The following NUDT10 variants were observed in gnomAD, a reference collection of about 807,000 sequenced individuals.
NUDT10 encodes diphosphoinositol polyphosphate phosphohydrolase 3-alpha.
A neutral mutation model predicts 10.5 loss-of-function variants in NUDT10; 2 were observed. The observed-to-expected ratio is 0.19, with a 90% CI of 0.08 to 0.60. The LOEUF is 0.60. NUDT10 is among the 20% of genes least tolerant of loss of function. The pLI, the probability that NUDT10 is intolerant of heterozygous loss-of-function variation, is 0.89. For synonymous variants in NUDT10, 53 were observed against 71.8 expected (o/e 0.74, Z 1.32); for missense variants, 75 against 149.5 (o/e 0.50, Z 2.60).
chrX:51,333,230 C>G lies in NUDT10; in HGVS notation c.265C>G (p.Pro89Ala). The G allele has an allele frequency of 8.3e-7, 1 of 1,211,152 alleles. No homozygotes were observed. Among genetic ancestry groups the G allele is most frequent in the Non-Finnish European group, 1.1e-6 (1 of 895,305 alleles). Residue 89 changes from proline (P) to alanine (A), a missense_variant, in exon 1 of 2, where the codon CCC becomes GCC. Coordinates refer to ENST00000356450, the MANE Select transcript of NUDT10 (RefSeq NM_001304963.2). ...LLGVFEQNQD[P>A]KHRTYVYVLT... ...GGGCGTCTTCGAACAGAACCAGGAC[C>G]CCAAGCACAGAACGTACGTGTATGT...
intron 1 of NUDT10, among the ~76,000 whole-genome samples, chrX:51,335,191 G>A (rs2146583459): frequency 9.2e-6 from 1 of 108,205 alleles, no homozygotes; most frequent in South Asian, 4.1e-4. Flanking sequence ...CGTGGTGTGC[G>A]CCTGTAATCC....
chrX:51,336,246 G>A lies in NUDT10; in HGVS notation c.*7G>A, dbSNP rs371006103. 4 of 562,778 alleles carry A rather than the reference G, an allele frequency of 7.1e-6. No homozygotes were observed. The highest frequency in any genetic ancestry group is 6.5e-6 in the Non-Finnish European group (2 of 306,038). The allele number at this position is 562,778 out of a possible 1,213,427, so 46.4% of individuals were successfully genotyped here. The stretch of plus-strand genomic sequence containing the variant: ...AAGAATTTTTCTTTTTAGGTGAATG[G>A]CATAGATGTTGTTCAGATTTACTTT... On this transcript the variant is annotated 3_prime_UTR_variant, in exon 2 of 2. Coordinates refer to ENST00000356450, the MANE Select transcript of NUDT10 (RefSeq NM_001304963.2).
At chrX:51,335,653 A>G (rs1454871420) in intron 1 of NUDT10, among the ~76,000 whole-genome samples, 1 of 111,962 alleles carries the variant, frequency 8.9e-6, no homozygotes, top group African/African-American at 3.3e-5. Flanking sequence ...AGATGGTTTA[A>G]AGGGCTCTGA....
intron 1 of NUDT10, among the ~76,000 whole-genome samples, chrX:51,334,512 A>T (rs1248428207): frequency 4.4e-5 from 5 of 112,656 alleles, no homozygotes; most frequent in Non-Finnish European, 7.5e-5. Context: ...ACATCCCAAC[A>T]GAGTTAGCTC....
rs1922734889 is a variant in NUDT10, at chrX:51,333,263, G to A, written c.298G>A (p.Val100Ile). Residue 100 changes from valine (V) to isoleucine (I), a missense_variant, in exon 1 of 2, where the codon GTC becomes ATC. Physicochemically the swap from Val to Ile is conservative, Grantham distance 29. Transcript: ENST00000356450. The part of the protein sequence containing the change: ...KHRTYVYVLT[V>I]TELLEDWEDS... ...CAGAACGTACGTGTATGTACTGACT[G>A]TCACGGAGCTGCTGGAGGATTGGGA... 1 of 1,209,422 alleles carries A rather than the reference G, an allele frequency of 8.3e-7. No individual in the cohort carries two copies. Among genetic ancestry groups the A allele is most frequent in the Non-Finnish European group, 1.1e-6 (1 of 894,990 alleles).
chrX:51,332,388 C>G (rs782349020), upstream of NUDT10: 13 of 113,566 alleles, frequency 1.1e-4, no homozygotes, highest in African/African-American at 3.5e-4. Context: ...GTCAAAGGCA[C>G]ACATGGAGGC....
Position 51,337,389 on chromosome X carries a change from A to G in NUDT10, c.*1150A>G, listed in dbSNP as rs1351516526. Reference sequence around the variant, plus strand: ...AATAATAAGTCTGGATGTTAAGTGCATTGGAAATATTGATGAAACGAAATT... The same window carrying G: ...AATAATAAGTCTGGATGTTAAGTGCGTTGGAAATATTGATGAAACGAAATT... On this transcript the variant is annotated 3_prime_UTR_variant, in exon 2 of 2. Coordinates refer to ENST00000356450, the MANE Select transcript of NUDT10 (RefSeq NM_001304963.2). The G allele has an allele frequency of 8.9e-6, 1 of 111,893 alleles. No individual in the cohort carries two copies. Among genetic ancestry groups the G allele is most frequent in the African/African-American group, 3.3e-5 (1 of 30,763 alleles). The allele number at this position is 111,893 out of a possible 1,213,427, so 9.2% of individuals were successfully genotyped here. A position where few individuals can be genotyped will look rare whatever the true frequency, so the allele number is the denominator to read the frequency against.
chrX:51,333,546 C>T (rs1337522140), intron 1 of NUDT10, 87 bp downstream of exon 1: 6 of 1,116,068 alleles, frequency 5.4e-6, no homozygotes, highest in African/African-American at 3.7e-5. Flanking sequence ...GTACCATGTG[C>T]GGTCTCATGG....
intron 1 of NUDT10, 75 bp downstream of exon 1, chrX:51,333,534 T>C (rs1465981065): frequency 2.6e-6 from 3 of 1,144,717 alleles, no homozygotes; most frequent in Admixed American, 2.5e-5. Context: ...GGAGCACCTC[T>C]CGTACCATGT....
chrX:51,333,970 T>C (rs1299331034), intron 1 of NUDT10, among the ~76,000 whole-genome samples: 2 of 111,085 alleles, frequency 1.8e-5, no homozygotes, highest in Non-Finnish European at 3.8e-5. Flanking sequence ...AGTTGTTTTC[T>C]CCTTCACAGC....
At chrX:51,334,592 G>A (rs1447254129) in intron 1 of NUDT10, among the ~76,000 whole-genome samples, 2 of 111,813 alleles carry the variant, frequency 1.8e-5, no homozygotes, top group African/African-American at 6.5e-5. Context: ...ATGATAGAGA[G>A]TAATTGTTTT....
Sources: allele counts gnomAD v4.1 joint callset (sites outside exome capture counted in the v4.1 genomes callset), GRCh38; gene constraint gnomAD v4.1.1; transcripts MANE v1.5; gene names NCBI Gene and HGNC (gene_info 2026-07-23, HGNC 2026-07-21).